The following CELF2 variants were observed in gnomAD, a reference collection of about 807,000 sequenced individuals.
The protein encoded by CELF2 is CUG triplet repeat RNA-binding protein 2.
CELF2 carries 8 observed loss-of-function variants against 62.6 expected under a neutral mutation model. That is an observed-to-expected ratio of 0.13 (90% CI 0.07 to 0.23). CELF2 has a LOEUF of 0.23. Ranked by LOEUF, CELF2 falls within the 10% of genes least tolerant of loss-of-function variation. The probability of loss-of-function intolerance (pLI) is 1.00; values close to 1 mark genes in which losing one functional copy is unlikely to be tolerated. For missense variants in CELF2, 333 were observed against 671.0 expected, an observed-to-expected ratio of 0.50 and a Z score of 5.56; for synonymous variants, 258 against 250.0, an observed-to-expected ratio of 1.03 and a Z score of -0.30.
chr10:10,791,318 CAA>C, the CELF2 span, among the ~76,000 whole-genome samples: 246 of 124,662 alleles, frequency 2.0e-3, no homozygotes, highest in African/African-American at 6.8e-3. Context: ...TTTAATGTGG[CAA>C]AAAAAAAAAA....
chr10:10,665,863 C>CA, the CELF2 span, among the ~76,000 whole-genome samples: 1 of 152,148 alleles, frequency 6.6e-6, no homozygotes, highest in Non-Finnish European at 1.5e-5. Context: ...AAATATTCTA[C>CA]AAAAACTACT....
At chr10:10,998,013 G>A (rs972074011) in intron 2 of CELF2, among the ~76,000 whole-genome samples, 4 of 152,166 alleles carry the variant, frequency 2.6e-5, no homozygotes, top group Non-Finnish European at 5.9e-5. Flanking sequence ...AGATCTGATG[G>A]TTTTATAAAG....
chr10:11,142,625 A>C (rs562978169), intron 1 of CELF2, among the ~76,000 whole-genome samples: 3 of 146,592 alleles, frequency 2.0e-5, no homozygotes, highest in Non-Finnish European at 3.0e-5. Context: ...TAGGGCTTGC[A>C]GTGAGCCGAG....
At chr10:10,956,341 GC>G (rs1338565992) in intron 2 of CELF2, among the ~76,000 whole-genome samples, 2 of 152,210 alleles carry the variant, frequency 1.3e-5, no homozygotes, top group Non-Finnish European at 2.9e-5. Context: ...TGGAGAAAAT[GC>G]TTTCCTGTCA....
At chr10:10,692,069 A>G in the CELF2 span, among the ~76,000 whole-genome samples, 1 of 150,836 alleles carries the variant, frequency 6.6e-6, no homozygotes, top group African/African-American at 2.4e-5. Context: ...TGTTTTAGAC[A>G]TGAAGTCCTT....
chr10:10,796,988 G>A (rs1057428427), upstream of CELF2: 97 of 602,868 alleles, frequency 1.6e-4, no homozygotes, highest in Non-Finnish European at 2.0e-4. Flanking sequence ...AAGTATCCAT[G>A]ACTGCTAAAG....
intron 2 of CELF2, among the ~76,000 whole-genome samples, chr10:10,932,573 A>T (rs566597512): frequency 2.9e-4 from 44 of 152,336 alleles, no homozygotes; most frequent in African/African-American, 1.1e-3. Context: ...TTAATTAAAT[A>T]AAAGAACCAA....
intron 4 of CELF2, among the ~76,000 whole-genome samples, chr10:11,249,761 A>T (rs1175046594): frequency 6.6e-6 from 1 of 152,240 alleles, no homozygotes; most frequent in Middle Eastern, 3.2e-3. Context: ...AAAAATCTGC[A>T]TTTGATGAGG....
At chr10:11,057,160 C>A (rs550696264) in intron 1 of CELF2, among the ~76,000 whole-genome samples, 107 of 152,244 alleles carry the variant, frequency 7.0e-4, no homozygotes, top group African/African-American at 2.4e-3. Context: ...CAGATACAAC[C>A]CCTGAAAGAA....
At chr10:10,896,217 C>T (rs2062542648) in intron 1 of CELF2, among the ~76,000 whole-genome samples, 1 of 152,154 alleles carries the variant, frequency 6.6e-6, no homozygotes, top group Non-Finnish European at 1.5e-5. Context: ...ATCAGCCAGA[C>T]AGGAACACCT....
At chr10:10,650,093 G>T in the CELF2 span, among the ~76,000 whole-genome samples, 1 of 152,218 alleles carries the variant, frequency 6.6e-6, no homozygotes, top group African/African-American at 2.4e-5. Context: ...CTCCGCAGAT[G>T]CTGGTCTCAC....
intron 2 of CELF2, among the ~76,000 whole-genome samples, chr10:11,200,233 T>C (rs1353872333): frequency 6.6e-6 from 1 of 152,196 alleles, no homozygotes; most frequent in African/African-American, 2.4e-5. Flanking sequence ...ACGAATTTGT[T>C]AGGGGTTGCA....
the CELF2 span, among the ~76,000 whole-genome samples, chr10:10,509,795 A>G: frequency 1.3e-5 from 2 of 152,236 alleles, no homozygotes; most frequent in Admixed American, 1.3e-4. Flanking sequence ...AAAAGGGACC[A>G]CTGTAGTCGC....
rs1004554923 is a variant in CELF2 at position 11,178,946 on chromosome 10, A to G, written c.271+13264A>G. ...CACTTCAAAGTCAGGAAACCGTTAA[A>G]CCACACTGCATCCTCTCTTGCCCTC... is the stretch of plus-strand genomic sequence containing the variant. On this transcript the variant is annotated intron_variant, in intron 2 of 12. Coordinates refer to ENST00000633077, the MANE Select transcript of CELF2 (RefSeq NM_001326342.2). This position sits in a 1 kb window ranked among gnomAD's most constrained non-coding sequence, Gnocchi z 4.3. 6.6e-6 allele frequency among the ~76,000 whole-genome samples: 1 copy of G among 152,180 alleles called. No individual in the cohort carries two copies. Among genetic ancestry groups the G allele is most frequent in the African/African-American group, 2.4e-5 (1 of 41,426 alleles).
the CELF2 span, among the ~76,000 whole-genome samples, chr10:10,757,229 A>G: frequency 1.8e-3 from 274 of 152,276 alleles, no homozygotes; most frequent in African/African-American, 6.4e-3. Context: ...AGGTCGAGGT[A>G]GGAACATCAC....
the CELF2 span, among the ~76,000 whole-genome samples, chr10:10,728,988 GA>G: frequency 9.7e-4 from 148 of 152,320 alleles, no homozygotes; most frequent in Non-Finnish European, 1.8e-3. Context: ...TATCATTATA[GA>G]ACATGTCGAC....
rs149255607 is a variant in CELF2, at chr10:11,234,410, C to T, written c.355-14743C>T. On this transcript the variant is annotated intron_variant, in intron 3 of 12. Transcript: ENST00000633077. ...AAAAAATTCAAGTTCTGGCTGGGCG[C>T]GGTGGCTCACGCCTATAATCCCAGG... 3.8e-3 allele frequency among the ~76,000 whole-genome samples: 582 copies of T among 152,298 alleles called. 6 individuals carry two copies. Among genetic ancestry groups the T allele is most frequent in the African/African-American group, 0.012 (490 of 41,560 alleles).
intron 5 of CELF2, among the ~76,000 whole-genome samples, chr10:11,258,480 G>A (rs2079473418): frequency 6.6e-6 from 1 of 152,164 alleles, no homozygotes; most frequent in Admixed American, 6.5e-5. Flanking sequence ...GCACTTCTTT[G>A]CCACCATGAT....
the CELF2 span, among the ~76,000 whole-genome samples, chr10:10,707,828 C>G: frequency 6.6e-6 from 1 of 152,134 alleles, no homozygotes; most frequent in African/African-American, 2.4e-5. Flanking sequence ...TTTAAATCAA[C>G]TATTACTAAG....
Sources: allele counts gnomAD v4.1 joint callset (sites outside exome capture counted in the v4.1 genomes callset), GRCh38; gene constraint gnomAD v4.1.1; non-coding constraint Gnocchi (gnomAD v3.1); transcripts MANE v1.5; gene names NCBI Gene and HGNC (gene_info 2026-07-23, HGNC 2026-07-21).